SLC26A3: variants seen among roughly 807,000 people sequenced by gnomAD.
SLC26A3 encodes chloride anion exchanger.
SLC26A3 carries 64 observed loss-of-function variants against 85.6 expected under a neutral mutation model. The ratio of observed to expected loss-of-function variants is 0.75; its 90% confidence interval spans 0.61 to 0.92. The LOEUF is 0.92. Among genes scored for constraint, SLC26A3 ranks in the 40% least tolerant of loss-of-function variants. The pLI, the probability that SLC26A3 is intolerant of heterozygous loss-of-function variation, is 0.00. For synonymous variants in SLC26A3, 349 were observed against 336.0 expected, an observed-to-expected ratio of 1.04 and a Z score of -0.42; for missense variants, 922 against 927.3, an observed-to-expected ratio of 0.99 and a Z score of 0.07.
chr7:107,766,082 G>T (rs1210010473), intron 20 of SLC26A3, among the ~76,000 whole-genome samples: 1 of 152,064 alleles, frequency 6.6e-6, no homozygotes, highest in Non-Finnish European at 1.5e-5. Context: ...TTAACTTAAA[G>T]TAATGGTACA....
In SLC26A3 at chr7:107,791,863, G is replaced by C. The variant is rs1010112873; in HGVS notation, c.349C>G (p.Leu117Val). 1.9e-6 allele frequency: 3 copies of C among 1,613,432 alleles called. No homozygotes were observed. Among genetic ancestry groups the C allele is most frequent in the African/African-American group, 2.7e-5 (2 of 75,032 alleles). ...YASFFPAIIYLFFGTSRHISV... is the reference protein window; with the variant it reads ...YASFFPAIIYVFFGTSRHISV... ...ATGTGTCTGGAAGTGCCGAAGAAAA[G>C]GTAGATTATGGCTGGGAAAAAGGAT... Residue 117 changes from leucine (L) to valine (V), a missense_variant, in exon 4 of 21, where the codon CTT (leucine) becomes GTT (valine). By Grantham distance (32) the Leu-to-Val change is conservative (BLOSUM62 1). Coordinates refer to ENST00000340010, the MANE Select transcript of SLC26A3 (RefSeq NM_000111.3).
At chr7:107,788,271 C>T (rs1038700879) in intron 6 of SLC26A3, among the ~76,000 whole-genome samples, 4 of 152,134 alleles carry the variant, frequency 2.6e-5, no homozygotes, top group Non-Finnish European at 4.4e-5. Context: ...TTAAGTAACA[C>T]TTCTCCTATA....
At chr7:107,799,214 C>T (rs1220917002) in intron 1 of SLC26A3, among the ~76,000 whole-genome samples, 1 of 152,076 alleles carries the variant, frequency 6.6e-6, no homozygotes, top group African/African-American at 2.4e-5. Flanking sequence ...AATTCTATTA[C>T]TACATTGCCG....
At chr7:107,770,769 C>G (rs1208505567) in intron 18 of SLC26A3, among the ~76,000 whole-genome samples, 1 of 152,070 alleles carries the variant, frequency 6.6e-6, no homozygotes, top group Non-Finnish European at 1.5e-5. Context: ...GTCCTAGGAT[C>G]TAGGGAAGAG....
intron 1 of SLC26A3, among the ~76,000 whole-genome samples, chr7:107,796,303 T>C (rs867063129): frequency 9.2e-5 from 14 of 151,954 alleles, no homozygotes; most frequent in African/African-American, 2.7e-4. Context: ...CAGGGATCTT[T>C]CATATGTTGC....
intron 3 of SLC26A3, among the ~76,000 whole-genome samples, chr7:107,792,434 G>C (rs1794418707): frequency 6.6e-6 from 1 of 151,904 alleles, no homozygotes; most frequent in Non-Finnish European, 1.5e-5. Context: ...GGGAGACCGT[G>C]ACAGATCATT....
intron 1 of SLC26A3, 92 bp downstream of exon 1, chr7:107,803,019 A>G (rs945422949): frequency 1.3e-5 from 2 of 152,312 alleles, no homozygotes; most frequent in Non-Finnish European, 2.9e-5. Flanking sequence ...CAAGAACATA[A>G]TAACTCCTAA....
chr7:107,787,608 A>G, intron 6 of SLC26A3, 99 bp from the exon 7 acceptor site: 1 of 901,412 alleles, frequency 1.1e-6, no homozygotes, highest in South Asian at 1.5e-5. Context: ...GGAAGCAAAA[A>G]GACTGATAGA....
At position 107,791,858 on chromosome 7, in the gene SLC26A3, GA is replaced by G. The variant is rs752963526; in HGVS notation, c.353del (p.Phe118SerfsTer16). 1 of 1,613,274 alleles carries G rather than the reference GA, an allele frequency of 6.2e-7. No homozygotes were observed. The highest frequency in any genetic ancestry group is 1.1e-5 in the South Asian group (1 of 91,052). On this transcript the variant is annotated frameshift_variant, in exon 4 of 21. Coordinates refer to ENST00000340010, the MANE Select transcript of SLC26A3 (RefSeq NM_000111.3). LOFTEE classifies it high-confidence loss of function. ...CGGATATGTGTCTGGAAGTGCCGAA[GA>G]AAAGGTAGATTATGGCTGGGAAAAA... ...ASFFPAIIYLFFGTSRHISVG... is the reference protein window; with the variant it reads ...ASFFPAIIYLXFGTSRHISVG...
In SLC26A3 at chr7:107,787,425, T is replaced by A; in HGVS notation, c.820A>T (p.Ile274Phe). 1 of 1,614,018 alleles carries A rather than the reference T, an allele frequency of 6.2e-7. No individual in the cohort carries two copies. Among genetic ancestry groups the A allele is most frequent in the East Asian group, 2.2e-5 (1 of 44,860 alleles). The change falls in exon 7 of 21, where the codon ATT becomes TTT. Residue 274 changes from isoleucine to phenylalanine, a missense_variant. Coordinates refer to ENST00000340010, the MANE Select transcript of SLC26A3 (RefSeq NM_000111.3). ...TALIVLLVVSIVKEINQRFKD... is the reference protein window; with the variant it reads ...TALIVLLVVSFVKEINQRFKD... ...AAGCGCTGATTTATTTCTTTAACAA[T>A]GGATACAACCAAAAGGACAATCAGA...
At chr7:107,775,684 A>G (rs1794100949) in intron 15 of SLC26A3, among the ~76,000 whole-genome samples, 1 of 151,908 alleles carries the variant, frequency 6.6e-6, no homozygotes, top group South Asian at 2.1e-4. Flanking sequence ...GTGAGCTGTG[A>G]TCATGCCAGC....
chr7:107,767,714 G>A (rs1424112514), intron 19 of SLC26A3, 52 bp downstream of exon 19: 9 of 1,610,332 alleles, frequency 5.6e-6, no homozygotes, highest in South Asian at 1.1e-5. Context: ...AGAAATTTAA[G>A]GAGTGCAGAT....
chr7:107,776,820 G>T (rs1450021942), intron 13 of SLC26A3, 114 bp from the exon 14 acceptor site: 1 of 942,746 alleles, frequency 1.1e-6, no homozygotes, highest in Non-Finnish European at 1.7e-6. Context: ...AATGTAAAAG[G>T]TTGGGGAATC....
rs144888198 is a variant in SLC26A3 at position 107,789,487 on chromosome 7, T to C, written c.735+37A>G. 3.8e-6 allele frequency: 6 copies of C among 1,590,008 alleles called. No individual in the cohort carries two copies. The South Asian group carries it at 6.7e-5, about 18-fold the overall frequency. ...TCTAAAAACACAGTAGTGAGTTTCA[T>C]GTATTTCAGTATTTTTTAGGTGAAA... On this transcript the variant is annotated intron_variant, in intron 6 of 20. Coordinates refer to ENST00000340010, the MANE Select transcript of SLC26A3 (RefSeq NM_000111.3).
intron 18 of SLC26A3, among the ~76,000 whole-genome samples, chr7:107,770,000 C>CCCTTTCTTTCTTTCTT (rs1554377064): frequency 1.5e-5 from 2 of 130,994 alleles, no homozygotes; most frequent in Non-Finnish European, 3.3e-5. Context: ...TTCCTTTTTT[C>CCCTTTCTTTCTTTCTT]TCTTTCTTTC....
intron 18 of SLC26A3, 60 bp from the exon 19 acceptor site, chr7:107,767,968 C>T: frequency 6.6e-7 from 1 of 1,522,102 alleles, no homozygotes; most frequent in Non-Finnish European, 9.1e-7. Context: ...CCGGTTTCCC[C>T]TTGAGGCTAG....
Position 107,802,742 on chromosome 7 carries a change from C to CTTTTTTTTTTTT in SLC26A3, c.-89+357_-89+368dup, listed in dbSNP as rs35087147. Among the ~76,000 whole-genome samples, 79 of 110,758 alleles carry CTTTTTTTTTTTT rather than the reference C, an allele frequency of 7.1e-4. 3 individuals are homozygous for CTTTTTTTTTTTT. The highest frequency in any genetic ancestry group is 2.7e-3 in the African/African-American group (76 of 28,368). The allele number at this position is 110,758 out of a possible 152,430, so 72.7% of individuals were successfully genotyped here. On this transcript the variant is annotated intron_variant, in intron 1 of 20. Transcript: ENST00000340010. ...GGAGAAACTCTTTCCTTAAAGCTTGCTTTTTTTTTTTTTTTTTTTGCCAAC... is the reference window on the plus strand; with the variant it reads ...GGAGAAACTCTTTCCTTAAAGCTTGCTTTTTTTTTTTTTTTTTTTTTTTTTTTTTTTGCCAAC...
At chr7:107,780,155 T>C (rs1379033927) in intron 11 of SLC26A3, among the ~76,000 whole-genome samples, 1 of 151,452 alleles carries the variant, frequency 6.6e-6, no homozygotes, top group East Asian at 1.9e-4. Flanking sequence ...GAGATGGGGG[T>C]TGCTCTTTGT....
intron 1 of SLC26A3, among the ~76,000 whole-genome samples, chr7:107,797,740 C>CTTTTTTTTTTTTTTTTTTTTTTTTTT (rs375903590): frequency 7.8e-6 from 1 of 127,448 alleles, no homozygotes; most frequent in African/African-American, 3.3e-5. Context: ...TGAGCAGGAC[C>CTTTTTTTTTTTTTTTTTTTTTTTTTT]TTTTTTTTTT....
Sources: allele counts gnomAD v4.1 joint callset (sites outside exome capture counted in the v4.1 genomes callset), GRCh38; gene constraint gnomAD v4.1.1; transcripts MANE v1.5; gene names NCBI Gene and HGNC (gene_info 2026-07-23, HGNC 2026-07-21).